The following MGAM variants were observed in gnomAD, a reference collection of about 807,000 sequenced individuals.
MGAM encodes maltase-glucoamylase, also known as alpha-1,4-glucosidase.
Under a neutral mutation model 358.8 loss-of-function variants are expected in MGAM, and 253 were observed. The observed-to-expected ratio is 0.71, with a 90% CI of 0.64 to 0.78. The LOEUF (loss-of-function observed/expected upper bound fraction) is 0.78, where lower values mean the gene tolerates loss of function less well. Among genes scored for constraint, MGAM ranks in the 30% least tolerant of loss-of-function variants. MGAM has a pLI of 0.00. For missense variants in MGAM, 3,080 were observed against 3,432.6 expected (o/e 0.90, Z 2.57); for synonymous variants, 1,105 against 1,227.1 (o/e 0.90, Z 2.08).
Position 142,008,549 on chromosome 7 carries a change from T to C in MGAM, c.171T>C (p.Thr57=). Residue 57 remains threonine, a synonymous_variant, in exon 3 of 71, where the codon ACT becomes ACC. Coordinates refer to ENST00000475668, the MANE Select transcript of MGAM (RefSeq NM_001365693.1). ...CTGGTACCCCAGATCCTGGGACAAC[T>C]GGTACCCCAGATCCTGGAACAACTG... ...GTTGTPDPGT[T]GTPDPGTTGT... The C allele has an allele frequency of 6.2e-7, 1 of 1,612,554 alleles. No individual in the cohort carries two copies. Among genetic ancestry groups the C allele is most frequent in the Non-Finnish European group, 8.5e-7 (1 of 1,179,168 alleles).
chr7:142,039,535 C>T (rs1045766483), intron 19 of MGAM, among the ~76,000 whole-genome samples: 2 of 152,168 alleles, frequency 1.3e-5, no homozygotes, highest in African/African-American at 2.4e-5. Context: ...GCCCCACCTC[C>T]AACACTGGGG....
At chr7:142,043,925 CATTATATACACATACGACGTTT>C (rs1809504891) in intron 21 of MGAM, among the ~76,000 whole-genome samples, 2 of 110,680 alleles carry the variant, frequency 1.8e-5, no homozygotes, top group African/African-American at 8.4e-5. Flanking sequence ...ATAATATATA[CATTATATACACATACGACGTTT>C]AATATATACA....
intron 57 of MGAM, among the ~76,000 whole-genome samples, chr7:142,089,358 A>T (rs974330039): frequency 6.8e-6 from 1 of 146,708 alleles, no homozygotes; most frequent in South Asian, 2.2e-4. Flanking sequence ...TCCACAAAAT[A>T]TCTCTCACCT....
chr7:142,078,026 G>A (rs1813887881), intron 47 of MGAM, among the ~76,000 whole-genome samples: 2 of 145,052 alleles, frequency 1.4e-5, no homozygotes, highest in African/African-American at 4.9e-5. Context: ...AGAGGAGTTA[G>A]GGTAGAAAAG....
chr7:142,062,784 C>G, intron 35 of MGAM, 82 bp downstream of exon 35: 22 of 1,575,168 alleles, frequency 1.4e-5, no homozygotes, highest in Non-Finnish European at 1.8e-5. Context: ...GACCTTCAAT[C>G]AAGAGGATAG....
intron 11 of MGAM, 58 bp from the exon 12 acceptor site, chr7:142,030,583 T>C: frequency 6.2e-7 from 1 of 1,604,000 alleles, no homozygotes; most frequent in East Asian, 2.2e-5. Context: ...GTTCCCAGTC[T>C]CCTTTCAGTG....
At chr7:142,083,261 G>A (rs757257211) in intron 52 of MGAM, 40 bp from the exon 53 acceptor site, 1 of 1,438,420 alleles carries the variant, frequency 7.0e-7, no homozygotes, top group Non-Finnish European at 9.6e-7. Flanking sequence ...TCATGACGTG[G>A]AAAGTTTCCA....
At chr7:142,045,179 A>T (rs866343980) in intron 21 of MGAM, among the ~76,000 whole-genome samples, 4 of 45,446 alleles carry the variant, frequency 8.8e-5, no homozygotes, top group Non-Finnish European at 1.3e-4. Context: ...ATATTATATA[A>T]CATATATGAT....
intron 23 of MGAM, 34 bp from the exon 24 acceptor site, chr7:142,050,663 C>A (rs1302879864): frequency 1.3e-6 from 2 of 1,590,866 alleles, no homozygotes; most frequent in Non-Finnish European, 1.7e-6. Context: ...TACTCATATA[C>A]CTTTATGCAT....
intron 3 of MGAM, among the ~76,000 whole-genome samples, chr7:142,009,089 G>A (rs1280525682): frequency 6.6e-6 from 1 of 152,132 alleles, no homozygotes; most frequent in African/African-American, 2.4e-5. Flanking sequence ...TTCTGACTCT[G>A]TTCATGCCCT....
intron 2 of MGAM, among the ~76,000 whole-genome samples, chr7:141,987,974 T>C (rs1463531536): frequency 6.6e-6 from 1 of 152,100 alleles, no homozygotes; most frequent in Non-Finnish European, 1.5e-5. Flanking sequence ...ATTGTTGTGA[T>C]CAATGAAATA....
chr7:142,017,415 C>T (rs1554456629), intron 3 of MGAM, among the ~76,000 whole-genome samples: 1 of 152,130 alleles, frequency 6.6e-6, no homozygotes, highest in Non-Finnish European at 1.5e-5. Flanking sequence ...GTGGGTCTTG[C>T]ACCATGTCTC....
chr7:142,057,648 G>C (rs76081602), intron 30 of MGAM, among the ~76,000 whole-genome samples: 2,740 of 151,706 alleles, frequency 0.018, 77 homozygotes, highest in African/African-American at 0.063. Flanking sequence ...TGAAAATAGT[G>C]ATGATGGTGG....
At chr7:142,067,228 A>C (rs1812842068) in intron 41 of MGAM, 113 bp from the exon 42 acceptor site, 1 of 990,896 alleles carries the variant, frequency 1.0e-6, no homozygotes, top group Non-Finnish European at 1.6e-6. Flanking sequence ...CAAAGCAAGG[A>C]TGGCTCAGGG....
chr7:142,041,837 G>A (rs1241253243), intron 21 of MGAM, among the ~76,000 whole-genome samples: 1 of 127,706 alleles, frequency 7.8e-6, no homozygotes, highest in African/African-American at 2.9e-5. Flanking sequence ...AGGAAGCACT[G>A]CCACTTTCAA....
At chr7:141,994,136 A>C (rs782501491), upstream of MGAM, among the ~76,000 whole-genome samples, 2 of 152,170 alleles carry the variant, frequency 1.3e-5, no homozygotes, top group Non-Finnish European at 2.9e-5. Context: ...TCAGCCTCCC[A>C]AAGTGCTGGG....
chr7:142,007,109 T>A (rs1805225048), intron 2 of MGAM, among the ~76,000 whole-genome samples: 1 of 152,152 alleles, frequency 6.6e-6, no homozygotes, highest in East Asian at 1.9e-4. Context: ...GTTGCTCTGA[T>A]AGGTGCTCTT....
At chr7:142,058,106 C>G in intron 30 of MGAM, 97 bp from the exon 31 acceptor site, 2 of 1,566,454 alleles carry the variant, frequency 1.3e-6, no homozygotes, top group Non-Finnish European at 1.7e-6. Flanking sequence ...AGTTAGTTGT[C>G]TAGCTTGGGG....
chr7:141,989,756 C>A (rs1803864538), intron 2 of MGAM, among the ~76,000 whole-genome samples: 1 of 151,980 alleles, frequency 6.6e-6, no homozygotes, highest in Non-Finnish European at 1.5e-5. Flanking sequence ...CCCAGATTTT[C>A]AGTTGAAATC....
Sources: gnomAD v4.1 joint callset for allele counts (sites outside exome capture counted in the v4.1 genomes callset) on GRCh38, gnomAD v4.1.1 for gene constraint, MANE v1.5 for transcripts, NCBI Gene and HGNC (gene_info 2026-07-23, HGNC 2026-07-21) for gene names.